Variants in KDM4F observed in about 807,000 individuals in gnomAD.
KDM4F encodes the protein lysine demethylase 4F.
For synonymous variants in KDM4F, 223 were observed against 184.4 expected (o/e 1.21, Z -1.70); for missense variants, 586 against 496.4 (o/e 1.18, Z -1.71).
Position 95,050,199 on chromosome 11 carries a change from C to T in KDM4F, c.778C>T (p.Arg260Cys), listed in dbSNP as rs115133514. ...CAAAAAGAATGGGATCCCCTTCAAT[C>T]GCATGACTCAGGAGGCTGGGGAGTT... The change falls in exon 1 of 1, where the codon CGC becomes TGC. Residue 260 changes from arginine to cysteine, a missense_variant. Arg to Cys is a radical substitution (Grantham distance 180). Transcript: ENST00000545950. 2,793 of 1,553,026 alleles carry T rather than the reference C, an allele frequency of 1.8e-3. 41 individuals carry two copies. The African/African-American group carries it at 0.033, about 19-fold the overall frequency.
exon 1 of KDM4F, chr11:95,050,389 G>T: frequency 1.4e-5 from 13 of 920,670 alleles, no homozygotes; most frequent in East Asian, 2.4e-5. Context: ...GCCTTCGTGC[G>T]CATCCTGCAA....
chr11:95,051,186 A>G (rs1555105475), exon 1 of KDM4F: 2 of 398,688 alleles, frequency 5.0e-6, no homozygotes, highest in African/African-American at 2.1e-5. Flanking sequence ...TCCGGTCCCA[A>G]CTAAGTTTTC....
Position 95,049,454 on chromosome 11 carries a change from G to A in KDM4F, c.33G>A (p.Thr11=), listed in dbSNP as rs908323962. 24 of 1,500,104 alleles carry A rather than the reference G, an allele frequency of 1.6e-5. No individual in the cohort carries two copies. The East Asian group carries it at 5.2e-4, about 33-fold the overall frequency. 92.9% of individuals were successfully genotyped at this position (1,500,104 alleles called of 1,614,324 possible). Residue 11 remains threonine, a synonymous_variant, in exon 1 of 1, where the codon ACG becomes ACA. Coordinates refer to ENST00000545950, the Ensembl canonical transcript of KDM4F. ...CTGTGCACTCCAGTCCCCAGAACAC[G>A]AGTCATACCATCATGACGTTTTACC...
At chr11:95,050,021 C>T (rs1226609278) in exon 1 of KDM4F, 2 of 1,614,042 alleles carry the variant, frequency 1.2e-6, no homozygotes, top group South Asian at 1.1e-5. Context: ...GCATCAACTA[C>T]CTGCACTTTG....
At chr11:95,050,561 C>T in exon 1 of KDM4F, 1 of 685,818 alleles carries the variant, frequency 1.5e-6, no homozygotes, top group South Asian at 1.6e-5. Context: ...ACATAACCAG[C>T]TGTCCCACAC....
exon 1 of KDM4F, chr11:95,050,652 G>C (rs1347878050): frequency 3.2e-6 from 2 of 620,858 alleles, no homozygotes; most frequent in Admixed American, 5.3e-5. Flanking sequence ...CCAAGCCCTG[G>C]AGACGTCAGC....
At chr11:95,050,713 G>T in exon 1 of KDM4F, 1 of 633,206 alleles carries the variant, frequency 1.6e-6, no homozygotes, top group Non-Finnish European at 2.8e-6. Context: ...CGTGGCTGTG[G>T]TCGTGGTCGA....
exon 1 of KDM4F, chr11:95,049,567 T>C: frequency 6.3e-7 from 1 of 1,597,816 alleles, no homozygotes; most frequent in Non-Finnish European, 8.5e-7. Context: ...GCCAAGGTAA[T>C]TCCACCCAAG....
exon 1 of KDM4F, chr11:95,050,167 C>T: frequency 6.5e-7 from 1 of 1,546,870 alleles, no homozygotes; most frequent in Non-Finnish European, 8.9e-7. Context: ...ATCTCGCCTA[C>T]AGTTCTCAAA....
exon 1 of KDM4F, chr11:95,050,593 G>A: frequency 1.5e-6 from 1 of 657,396 alleles, no homozygotes; most frequent in Admixed American, 2.3e-5. Context: ...CCAAGGCTCT[G>A]TTACAACCCA....
exon 1 of KDM4F, chr11:95,050,545 G>C (rs995073314): frequency 1.4e-6 from 1 of 695,248 alleles, no homozygotes; most frequent in East Asian, 2.7e-5. Flanking sequence ...AGGCATCTCC[G>C]GAACCACATA....
the KDM4F span, chr11:95,049,967 G>A: frequency 6.2e-7 from 1 of 1,614,232 alleles, no homozygotes; most frequent in Non-Finnish European, 8.5e-7. Context: ...TTGGCATGTG[G>A]AAGACCACGT....
At chr11:95,050,930 C>CCAGAA in the KDM4F span, 1 of 489,842 alleles carries the variant, frequency 2.0e-6, no homozygotes, top group South Asian at 4.3e-5. Flanking sequence ...AGGCTTCTGG[C>CCAGAA]TGCTGTTGTG....
At chr11:95,050,197 A>G in exon 1 of KDM4F, 1 of 1,552,272 alleles carries the variant, frequency 6.4e-7, no homozygotes, top group Non-Finnish European at 8.9e-7. Flanking sequence ...ATCCCCTTCA[A>G]TCGCATGACT....
rs1046946303 is a variant in KDM4F, at chr11:95,050,138, G to T, written c.717G>T (p.Leu239=). ...ATTCCCGGGGCTGTGAGGGCTTCCT[G>T]CGGCACAAGGTGGCCCTCATCTCGC... The change falls in exon 1 of 1, where the codon CTG becomes CTT. Residue 239 remains leucine, a synonymous_variant. Coordinates refer to ENST00000545950, the Ensembl canonical transcript of KDM4F. 181 of 1,554,350 alleles carry T rather than the reference G, an allele frequency of 1.2e-4. No homozygotes were observed. In the Middle Eastern group the frequency reaches 4.2e-3, roughly 36 times the overall value.
At position 95,049,929 on chromosome 11, in the gene KDM4F, G is replaced by A. The variant is rs1858494320; in HGVS notation, c.508G>A (p.Glu170Lys). The change falls in exon 1 of 1, where the codon GAG becomes AAG. Residue 170 changes from glutamate (E) to lysine (K), a missense_variant. Transcript: ENST00000545950. ...GGAGCAGGAATGTGGGGTTGTCATC[G>A]AGGGTGTCAACACACCCTACCTGTA... The A allele has an allele frequency of 4.3e-6, 7 of 1,613,126 alleles. No individual in the cohort carries two copies. The South Asian group carries it at 5.5e-5, about 13-fold the overall frequency.
rs1466997674 is a variant in KDM4F, at chr11:95,050,503, A to T, written c.1082A>T (p.Asp361Val). The change falls in exon 1 of 1, where the codon GAC becomes GTC. Residue 361 changes from aspartate (D) to valine (V), a missense_variant. Asp to Val is a radical substitution (Grantham distance 152, BLOSUM62 -3). Transcript: ENST00000545950. Reference sequence around the variant, plus strand: ...CAAGAGCCGAGCAACTGGAGGGAGGACATAGCACTTAGGAGAGCTGCTCTG... The same window carrying T: ...CAAGAGCCGAGCAACTGGAGGGAGGTCATAGCACTTAGGAGAGCTGCTCTG... 4 of 715,980 alleles carry T rather than the reference A, an allele frequency of 5.6e-6. No homozygotes were observed. In the African/African-American group the frequency reaches 7.0e-5, roughly 12 times the overall value. 44.4% of individuals were successfully genotyped at this position (715,980 alleles called of 1,614,324 possible).
exon 1 of KDM4F, chr11:95,049,732 G>A: frequency 6.2e-7 from 1 of 1,605,516 alleles, no homozygotes; most frequent in Non-Finnish European, 8.5e-7. Flanking sequence ...TTGGCAAACA[G>A]TAAAAAATAT....
rs570057318 is a variant in KDM4F, at chr11:95,050,043, A to T, written c.622A>T (p.Thr208Ser). ...CTACCTGCACTTTGGGGAGCCCAAA[A>T]CTTGGTACGTGGTGCCCCCAGAACA... The change falls in exon 1 of 1, where the codon ACT becomes TCT. Residue 208 changes from threonine to serine, a missense_variant. Physicochemically the swap from Thr to Ser is moderately conservative, Grantham distance 58. Transcript: ENST00000545950. 8.7e-6 allele frequency: 14 copies of T among 1,610,576 alleles called. No homozygotes were observed. In the African/African-American group the frequency reaches 1.7e-4, roughly 20 times the overall value.
Sources: allele counts gnomAD v4.1 joint callset, GRCh38; gene constraint gnomAD v4.1.1; transcripts MANE v1.5; gene names NCBI Gene and HGNC (gene_info 2026-07-23, HGNC 2026-07-21).